Variants in EFL1 observed in about 807,000 individuals in gnomAD.
The protein encoded by EFL1 is elongation factor-like GTPase 1.
Under a neutral mutation model 126.7 loss-of-function variants are expected in EFL1, and 76 were observed. The observed-to-expected ratio is 0.60, with a 90% confidence interval of 0.50 to 0.73. EFL1 has a LOEUF of 0.73. EFL1 is among the 30% of genes least tolerant of loss of function. EFL1 has a pLI of 0.00. For missense variants in EFL1, 1,128 were observed against 1,343.2 expected, an observed-to-expected ratio of 0.84 and a Z score of 2.50; for synonymous variants, 410 against 448.4, an observed-to-expected ratio of 0.91 and a Z score of 1.08.
intron 17 of EFL1, 111 bp downstream of exon 17, chr15:82,157,602 C>T: frequency 7.8e-7 from 1 of 1,286,840 alleles, no homozygotes; most frequent in Non-Finnish European, 1.1e-6. Flanking sequence ...GAGGGCATTT[C>T]ATTTTTCTCC....
intron 15 of EFL1, among the ~76,000 whole-genome samples, chr15:82,190,637 C>T (rs1224028062): frequency 6.6e-6 from 1 of 151,960 alleles, no homozygotes; most frequent in African/African-American, 2.4e-5. Flanking sequence ...GTTAGTGATC[C>T]AATAATTTGT....
chr15:82,191,379 T>C (rs1185082280), intron 15 of EFL1, among the ~76,000 whole-genome samples: 1 of 152,190 alleles, frequency 6.6e-6, no homozygotes, highest in African/African-American at 2.4e-5. Flanking sequence ...AAGTCACTAT[T>C]CTGATAGGTA....
intron 15 of EFL1, among the ~76,000 whole-genome samples, chr15:82,197,277 G>T (rs1459639706): frequency 1.3e-5 from 2 of 152,134 alleles, no homozygotes; most frequent in Admixed American, 6.5e-5. Context: ...CCAGGGGACA[G>T]AAAATTTACC....
chr15:82,217,055 A>G (rs1486658701), intron 14 of EFL1, among the ~76,000 whole-genome samples: 1 of 152,148 alleles, frequency 6.6e-6, no homozygotes, highest in African/African-American at 2.4e-5. Flanking sequence ...AGAACACAAG[A>G]TTGACCAATA....
chr15:82,203,103 G>A (rs1458641359), intron 15 of EFL1, among the ~76,000 whole-genome samples: 3 of 151,930 alleles, frequency 2.0e-5, no homozygotes, highest in East Asian at 1.9e-4. Context: ...GACCCACCAC[G>A]CCCAGACTGT....
At chr15:82,159,498 T>C (rs187147941) in intron 16 of EFL1, among the ~76,000 whole-genome samples, 1 of 151,894 alleles carries the variant, frequency 6.6e-6, no homozygotes, top group Admixed American at 6.6e-5. Context: ...CAAAAGAAAT[T>C]TGAAACATGG....
intron 16 of EFL1, among the ~76,000 whole-genome samples, chr15:82,161,895 G>A (rs904286699): frequency 2.0e-5 from 3 of 152,100 alleles, no homozygotes; most frequent in Admixed American, 2.0e-4. Flanking sequence ...TTAGGGTTGG[G>A]CTTTTACTTA....
At chr15:82,168,213 G>C (rs1380515336) in intron 15 of EFL1, among the ~76,000 whole-genome samples, 1 of 152,170 alleles carries the variant, frequency 6.6e-6, no homozygotes, top group Non-Finnish European at 1.5e-5. Context: ...CAAAACTCAA[G>C]ATTCTGCACT....
At chr15:82,196,755 C>A (rs1196909915) in intron 15 of EFL1, among the ~76,000 whole-genome samples, 1 of 152,292 alleles carries the variant, frequency 6.6e-6, no homozygotes, top group East Asian at 1.9e-4. Flanking sequence ...TGGCTTCGGC[C>A]GGGAGCGGTG....
intron 15 of EFL1, among the ~76,000 whole-genome samples, chr15:82,197,236 A>G (rs1336182711): frequency 6.6e-6 from 1 of 152,218 alleles, no homozygotes; most frequent in African/African-American, 2.4e-5. Flanking sequence ...GAGCTAAAAA[A>G]AATGTTCCTC....
intron 15 of EFL1, among the ~76,000 whole-genome samples, chr15:82,170,394 G>A (rs912418176): frequency 2.0e-5 from 3 of 152,148 alleles, no homozygotes; most frequent in South Asian, 2.1e-4. Context: ...GATTACAGGC[G>A]TGAGCCACCG....
chr15:82,240,130 C>A (rs2074916042), intron 6 of EFL1, among the ~76,000 whole-genome samples: 1 of 152,130 alleles, frequency 6.6e-6, no homozygotes, highest in Non-Finnish European at 1.5e-5. Flanking sequence ...TAATAAAATA[C>A]TACAGACAGG....
intron 15 of EFL1, among the ~76,000 whole-genome samples, chr15:82,206,715 A>T (rs980631179): frequency 6.6e-6 from 1 of 152,154 alleles, no homozygotes; most frequent in African/African-American, 2.4e-5. Flanking sequence ...CAAAACTGAC[A>T]TAAGAAACAG....
chr15:82,167,070 C>A (rs1024588996), intron 15 of EFL1, among the ~76,000 whole-genome samples: 6 of 152,132 alleles, frequency 3.9e-5, no homozygotes, highest in African/African-American at 1.4e-4. Flanking sequence ...TATTTATTTT[C>A]ACATTTCATG....
intron 15 of EFL1, among the ~76,000 whole-genome samples, chr15:82,187,480 C>T (rs2074315884): frequency 6.6e-6 from 1 of 152,054 alleles, no homozygotes; most frequent in African/African-American, 2.4e-5. Flanking sequence ...TTATTTTGGT[C>T]AGAAAATAAT....
chr15:82,160,359 T>G (rs931794318), intron 16 of EFL1, among the ~76,000 whole-genome samples: 29 of 152,208 alleles, frequency 1.9e-4, no homozygotes, highest in African/African-American at 6.5e-4. Flanking sequence ...TGCTGAACGC[T>G]TCCAAATTCC....
intron 12 of EFL1, among the ~76,000 whole-genome samples, chr15:82,223,131 A>G (rs1465525807): frequency 1.3e-5 from 2 of 152,150 alleles, no homozygotes; most frequent in Admixed American, 1.3e-4. Context: ...TCACTAATAC[A>G]TTGTACTCTA....
chr15:82,220,903 T>C (rs1348243557), intron 12 of EFL1, among the ~76,000 whole-genome samples: 4 of 152,130 alleles, frequency 2.6e-5, no homozygotes, highest in East Asian at 3.9e-4. Context: ...AATACTAAGT[T>C]GAATACAAAT....
intron 4 of EFL1, among the ~76,000 whole-genome samples, chr15:82,248,976 T>TG (rs1402418628): frequency 6.6e-6 from 1 of 152,104 alleles, no homozygotes; most frequent in Admixed American, 6.5e-5. Flanking sequence ...GTAAGCTATT[T>TG]GGGGGGAGAA....
Sources: allele counts gnomAD v4.1 joint callset (sites outside exome capture counted in the v4.1 genomes callset), GRCh38; gene constraint gnomAD v4.1.1; transcripts MANE v1.5; gene names NCBI Gene and HGNC (gene_info 2026-07-23, HGNC 2026-07-21).